XPR1: variants seen among roughly 807,000 people sequenced by gnomAD.
XPR1 encodes the protein xenotropic and polytropic retrovirus receptor 1.
A neutral mutation model predicts 87.5 loss-of-function variants in XPR1; 28 were observed. The ratio of observed to expected loss-of-function variants is 0.32; its 90% CI spans 0.24 to 0.44. The LOEUF (loss-of-function observed/expected upper bound fraction) is 0.44. Among genes scored for constraint, XPR1 ranks in the 20% least tolerant of loss-of-function variants. The pLI is 1.00. For synonymous variants in XPR1, 300 were observed against 306.1 expected, an observed-to-expected ratio of 0.98 and a Z score of 0.21; for missense variants, 559 against 862.3, an observed-to-expected ratio of 0.65 and a Z score of 4.41.
chr1:180,704,762 A>AT (rs1276279971), intron 2 of XPR1, among the ~76,000 whole-genome samples: 1 of 136,234 alleles, frequency 7.3e-6, no homozygotes, highest in Non-Finnish European at 1.5e-5. Flanking sequence ...CTTGACATAT[A>AT]TATTTCCAGC....
intron 9 of XPR1, among the ~76,000 whole-genome samples, chr1:180,832,609 C>T (rs1404226232): frequency 6.6e-6 from 1 of 152,164 alleles, no homozygotes; most frequent in African/African-American, 2.4e-5. Context: ...TCTGCATAGG[C>T]TACCCAGTTT....
chr1:180,671,134 C>A (rs763569592), intron 1 of XPR1, among the ~76,000 whole-genome samples: 3 of 152,064 alleles, frequency 2.0e-5, no homozygotes, highest in Non-Finnish European at 4.4e-5. Context: ...AAAGATAAGC[C>A]TAGAAAGGTA....
At chr1:180,827,503 T>A (rs1428881027) in intron 9 of XPR1, among the ~76,000 whole-genome samples, 3 of 152,240 alleles carry the variant, frequency 2.0e-5, no homozygotes, top group South Asian at 2.1e-4. Context: ...AGATATTTAT[T>A]TGTGCATCTG....
At chr1:180,736,733 T>C (rs577797462) in intron 2 of XPR1, among the ~76,000 whole-genome samples, 29 of 152,202 alleles carry the variant, frequency 1.9e-4, no homozygotes, top group Admixed American at 2.0e-4. Flanking sequence ...TTGTAAGACA[T>C]CTTGACCTTC....
At chr1:180,652,731 G>A (rs576893371) in intron 1 of XPR1, among the ~76,000 whole-genome samples, 1 of 152,290 alleles carries the variant, frequency 6.6e-6, no homozygotes, top group Admixed American at 6.5e-5. Flanking sequence ...AAATTTTGTG[G>A]TATAAAATAT....
At chr1:180,760,823 A>T (rs1229225086) in intron 2 of XPR1, among the ~76,000 whole-genome samples, 1 of 152,192 alleles carries the variant, frequency 6.6e-6, no homozygotes, top group Non-Finnish European at 1.5e-5. Context: ...TCCTAAGCCA[A>T]AAGAAGAAAA....
intron 1 of XPR1, among the ~76,000 whole-genome samples, chr1:180,632,739 A>G (rs1229789041): frequency 6.6e-6 from 1 of 152,236 alleles, no homozygotes; most frequent in Non-Finnish European, 1.5e-5. Flanking sequence ...TTGTCTTCCA[A>G]GAGAAGCCCC....
intron 1 of XPR1, among the ~76,000 whole-genome samples, chr1:180,679,729 A>G (rs1289557765): frequency 6.6e-6 from 1 of 152,192 alleles, no homozygotes; most frequent in Non-Finnish European, 1.5e-5. Context: ...AAACAAAAAC[A>G]AACTATTACT....
At chr1:180,733,678 G>T (rs1658633461) in intron 2 of XPR1, among the ~76,000 whole-genome samples, 1 of 152,208 alleles carries the variant, frequency 6.6e-6, no homozygotes, top group African/African-American at 2.4e-5. Context: ...TGGTAGAGAT[G>T]TAGAGCAGTG....
intron 2 of XPR1, among the ~76,000 whole-genome samples, chr1:180,777,784 ATTC>A (rs1015973696): frequency 7.9e-5 from 12 of 152,226 alleles, no homozygotes; most frequent in African/African-American, 2.4e-4. Context: ...AGTGCTAAAT[ATTC>A]TTTCTATATT....
At chr1:180,715,421 C>G (rs933182995) in intron 2 of XPR1, among the ~76,000 whole-genome samples, 1 of 152,076 alleles carries the variant, frequency 6.6e-6, no homozygotes. Context: ...TAGAGATTGC[C>G]TTATTTTTTA....
intron 2 of XPR1, among the ~76,000 whole-genome samples, chr1:180,785,011 T>TGTGTGTGTGTGTGTGTG (rs1649083957): frequency 1.5e-5 from 2 of 136,280 alleles, no homozygotes; most frequent in Non-Finnish European, 3.2e-5. Flanking sequence ...GTGTGTGTGT[T>TGTGTGTGTGTGTGTGTG]TGTGTGTGTG....
At chr1:180,643,682 AG>A (rs1381857375) in intron 1 of XPR1, among the ~76,000 whole-genome samples, 1 of 152,160 alleles carries the variant, frequency 6.6e-6, no homozygotes, top group African/African-American at 2.4e-5. Context: ...TTAATGGTGG[AG>A]TTAAGATAAT....
intron 2 of XPR1, among the ~76,000 whole-genome samples, chr1:180,698,522 TC>T (rs1419687661): frequency 6.6e-6 from 1 of 152,232 alleles, no homozygotes; most frequent in Non-Finnish European, 1.5e-5. Context: ...TTCTTGTTTA[TC>T]ATGTGGTTTG....
At chr1:180,787,939 T>C (rs1649218370) in intron 3 of XPR1, 85 bp downstream of exon 3, 1 of 1,025,070 alleles carries the variant, frequency 9.8e-7, no homozygotes, top group African/African-American at 1.6e-5. Context: ...ATCAATGTTT[T>C]TAAATTGAGT....
chr1:180,773,256 T>C (rs1648589512), intron 2 of XPR1, among the ~76,000 whole-genome samples: 1 of 152,116 alleles, frequency 6.6e-6, no homozygotes, highest in African/African-American at 2.4e-5. Flanking sequence ...AAAAAAAATG[T>C]TCAGACGGGA....
At chr1:180,649,863 C>G (rs1177918077) in intron 1 of XPR1, among the ~76,000 whole-genome samples, 1 of 152,106 alleles carries the variant, frequency 6.6e-6, no homozygotes, top group Non-Finnish European at 1.5e-5. Flanking sequence ...GACCTGTTAA[C>G]TACTTCTTCG....
At chr1:180,651,755 A>C (rs1194092185) in intron 1 of XPR1, among the ~76,000 whole-genome samples, 1 of 152,224 alleles carries the variant, frequency 6.6e-6, no homozygotes, top group Non-Finnish European at 1.5e-5. Flanking sequence ...TGGATTAGAA[A>C]TTATGTTTAT....
intron 12 of XPR1, among the ~76,000 whole-genome samples, chr1:180,864,389 C>G (rs1034280097): frequency 1.3e-5 from 2 of 152,128 alleles, no homozygotes; most frequent in African/African-American, 4.8e-5. Context: ...AGTTATCACA[C>G]TGTATTATAA....
Sources: gnomAD v4.1 joint callset for allele counts (sites outside exome capture counted in the v4.1 genomes callset) on GRCh38, gnomAD v4.1.1 for gene constraint, MANE v1.5 for transcripts, NCBI Gene and HGNC (gene_info 2026-07-23, HGNC 2026-07-21) for gene names.